ANKRD12: variants seen among roughly 807,000 people sequenced by gnomAD.
ANKRD12 encodes the protein ankyrin repeat domain 12, also known as ankyrin repeat domain-containing protein 12.
ANKRD12 carries 85 observed loss-of-function variants against 183.4 expected under a neutral mutation model. That is an observed-to-expected ratio of 0.46 (90% confidence interval 0.39 to 0.56). ANKRD12 has a LOEUF of 0.56. ANKRD12 is among the 20% of genes least tolerant of loss of function. The pLI is 0.00. For missense variants in ANKRD12, 2,405 were observed against 2,357.1 expected (o/e 1.02, Z -0.42); for synonymous variants, 914 against 800.2 (o/e 1.14, Z -2.40).
At chr18:9,277,329 T>C (rs1018609124) in intron 11 of ANKRD12, among the ~76,000 whole-genome samples, 19 of 145,780 alleles carry the variant, frequency 1.3e-4, no homozygotes, top group Admixed American at 8.8e-4. Context: ...TTCTTTTTTT[T>C]TTTTTTTTTT....
At chr18:9,203,200 C>A (rs1036589234) in intron 3 of ANKRD12, among the ~76,000 whole-genome samples, 1 of 152,130 alleles carries the variant, frequency 6.6e-6, no homozygotes, top group Admixed American at 6.5e-5. Context: ...AGCCCATTTA[C>A]CTGTTTACTT....
At chr18:9,247,059 T>C (rs985645835) in intron 8 of ANKRD12, among the ~76,000 whole-genome samples, 5 of 152,222 alleles carry the variant, frequency 3.3e-5, no homozygotes, top group Non-Finnish European at 5.9e-5. Flanking sequence ...TACACCTATT[T>C]TGAAGTGTGC....
chr18:9,239,716 A>G (rs2037549930), intron 8 of ANKRD12, among the ~76,000 whole-genome samples: 1 of 152,234 alleles, frequency 6.6e-6, no homozygotes, highest in African/African-American at 2.4e-5. Context: ...GTAACTGCCC[A>G]TAGATGTTTG....
At chr18:9,154,295 G>A (rs1428355849) in intron 1 of ANKRD12, among the ~76,000 whole-genome samples, 1 of 152,072 alleles carries the variant, frequency 6.6e-6, no homozygotes, top group East Asian at 1.9e-4. Context: ...GGTAACATGT[G>A]CCTGCAGTCT....
rs2038987653 is a variant in ANKRD12 at position 9,261,861 on chromosome 18, C to T, written c.5665-1929C>T. The stretch of plus-strand genomic sequence containing the variant: ...CTCTTGAGGAAGCTTTCTCTGGCAC[C>T]TCAGTGTCAGACAGTAGATATCCGT... On this transcript the variant is annotated intron_variant, in intron 9 of 12. Coordinates refer to ENST00000262126, the MANE Select transcript of ANKRD12 (RefSeq NM_015208.5). Among the ~76,000 whole-genome samples, 3 of 152,278 alleles carry T rather than the reference C, an allele frequency of 2.0e-5. No homozygotes were observed. In the South Asian group the frequency reaches 6.2e-4, roughly 32 times the overall value.
intron 7 of ANKRD12, among the ~76,000 whole-genome samples, chr18:9,220,790 A>T (rs749431893): frequency 6.6e-6 from 1 of 152,218 alleles, no homozygotes; most frequent in Non-Finnish European, 1.5e-5. Flanking sequence ...TTCAGAGTGG[A>T]TAAGTTCTCC....
chr18:9,252,994 C>G (rs991938620), intron 8 of ANKRD12, among the ~76,000 whole-genome samples: 1 of 151,540 alleles, frequency 6.6e-6, no homozygotes, highest in African/African-American at 2.4e-5. Context: ...TAATCGAGAC[C>G]CCTGGGTAAT....
chr18:9,237,387 A>G (rs1427509562), intron 8 of ANKRD12, among the ~76,000 whole-genome samples: 4 of 152,244 alleles, frequency 2.6e-5, no homozygotes, highest in African/African-American at 9.6e-5. Context: ...AAAATTTACC[A>G]TCACAAAAAT....
chr18:9,161,075 G>A (rs1056523389), intron 1 of ANKRD12, among the ~76,000 whole-genome samples: 18 of 152,094 alleles, frequency 1.2e-4, no homozygotes, highest in Non-Finnish European at 2.6e-4. Context: ...CTGGGCTCAA[G>A]CAATCCTCTT....
intron 3 of ANKRD12, among the ~76,000 whole-genome samples, chr18:9,199,737 T>C (rs1242517809): frequency 6.6e-6 from 1 of 152,198 alleles, no homozygotes; most frequent in Admixed American, 6.5e-5. Context: ...TTTTTTTTAA[T>C]GTTGGATTAA....
At chr18:9,221,765 A>T in intron 7 of ANKRD12, 87 bp from the exon 8 acceptor site, 1 of 1,354,546 alleles carries the variant, frequency 7.4e-7, no homozygotes, top group Non-Finnish European at 1.0e-6. Context: ...TAACACTCAG[A>T]AGGATACTAT....
At chr18:9,190,595 A>G (rs8085549) in intron 2 of ANKRD12, among the ~76,000 whole-genome samples, 18,915 of 152,216 alleles carry the variant, frequency 0.12, 1,476 homozygotes, top group African/African-American at 0.21. Flanking sequence ...GTCAATTCAC[A>G]TGGCAAACTT....
rs1471447837 is a variant in ANKRD12 at position 9,205,291 on chromosome 18, A to T, written c.304+747A>T. Among the ~76,000 whole-genome samples, 3 of 149,744 alleles carry T rather than the reference A, an allele frequency of 2.0e-5. No homozygotes were observed. The East Asian group carries it at 5.9e-4, about 29-fold the overall frequency. On this transcript the variant is annotated intron_variant, in intron 4 of 12. Coordinates refer to ENST00000262126, the MANE Select transcript of ANKRD12 (RefSeq NM_015208.5). Reference sequence around the variant, plus strand: ...ATTGTCTTTTTTTAAATTGGCTAACATTGTTATCTCTGAGCTTAAATAAAA... The same window carrying T: ...ATTGTCTTTTTTTAAATTGGCTAACTTTGTTATCTCTGAGCTTAAATAAAA...
intron 2 of ANKRD12, among the ~76,000 whole-genome samples, chr18:9,188,929 T>C (rs1378778044): frequency 6.6e-6 from 1 of 152,126 alleles, no homozygotes; most frequent in Non-Finnish European, 1.5e-5. Context: ...TGTGTTTCAG[T>C]GGTCTCTAAG....
At chr18:9,186,710 CA>C (rs1355991965) in intron 2 of ANKRD12, among the ~76,000 whole-genome samples, 1 of 147,988 alleles carries the variant, frequency 6.8e-6, no homozygotes, top group African/African-American at 2.5e-5. Flanking sequence ...GCATGACCAT[CA>C]TTCATGTGTA....
intron 1 of ANKRD12, among the ~76,000 whole-genome samples, chr18:9,162,175 C>G (rs1398292470): frequency 6.6e-6 from 1 of 152,118 alleles, no homozygotes; most frequent in Non-Finnish European, 1.5e-5. Flanking sequence ...GCTATTCTTC[C>G]TGATGCTATC....
At chr18:9,150,494 A>C (rs2078649600) in intron 1 of ANKRD12, among the ~76,000 whole-genome samples, 1 of 152,176 alleles carries the variant, frequency 6.6e-6, no homozygotes, top group Admixed American at 6.5e-5. Flanking sequence ...ATAGACCATA[A>C]AAATTCCTTA....
chr18:9,255,574 T>C lies in ANKRD12; in HGVS notation c.2307T>C (p.Asp769=), dbSNP rs34365080. ...EKSFREEKIK[D]LKEERENIPT... ...CTTTTAGGGAGGAAAAAATAAAAGA[T>C]CTAAAAGAAGAGAGAGAAAACATAC... The change falls in exon 9 of 13, where the codon GAT becomes GAC. Residue 769 remains aspartate (D), a synonymous_variant. Transcript: ENST00000262126. The C allele has an allele frequency of 1.4e-3, 2,160 of 1,568,440 alleles. 38 individuals are homozygous for C. The African/African-American group carries it at 0.027, about 20-fold the overall frequency.
chr18:9,282,317 G>T lies in ANKRD12; in HGVS notation c.*1191G>T, dbSNP rs960648263. 4 of 152,410 alleles carry T rather than the reference G, an allele frequency of 2.6e-5. No homozygotes were observed. The highest frequency in any genetic ancestry group is 9.7e-5 in the African/African-American group (4 of 41,408). The allele number at this position is 152,410 out of a possible 1,614,324, so 9.4% of individuals were successfully genotyped here. ...GTCAAAATAAGTAAAAGAAATATAGGAATATTCCAGTCAATCTCTGAAATG... is the reference window on the plus strand; with the variant it reads ...GTCAAAATAAGTAAAAGAAATATAGTAATATTCCAGTCAATCTCTGAAATG... On this transcript the variant is annotated 3_prime_UTR_variant, in exon 13 of 13. Coordinates refer to ENST00000262126, the MANE Select transcript of ANKRD12 (RefSeq NM_015208.5).
Sources: allele counts gnomAD v4.1 joint callset (sites outside exome capture counted in the v4.1 genomes callset), GRCh38; gene constraint gnomAD v4.1.1; transcripts MANE v1.5; gene names NCBI Gene and HGNC (gene_info 2026-07-23, HGNC 2026-07-21).